Variants in ZFYVE27 observed in about 807,000 individuals in gnomAD.
ZFYVE27 encodes zinc finger FYVE-type containing 27.
Under a neutral mutation model 52.8 loss-of-function variants are expected in ZFYVE27, and 36 were observed. The observed-to-expected ratio is 0.68, with a 90% CI of 0.52 to 0.90. ZFYVE27 has a LOEUF of 0.90. Ranked by LOEUF, ZFYVE27 falls within the 40% of genes least tolerant of loss-of-function variation. The pLI, the probability that ZFYVE27 is intolerant of heterozygous loss-of-function variation, is 0.00. For missense variants in ZFYVE27, 450 were observed against 527.2 expected, an observed-to-expected ratio of 0.85 and a Z score of 1.43; for synonymous variants, 223 against 215.6, an observed-to-expected ratio of 1.03 and a Z score of -0.30.
chr10:97,753,399 C>A (rs981349564), intron 10 of ZFYVE27, among the ~76,000 whole-genome samples: 7 of 152,138 alleles, frequency 4.6e-5, no homozygotes, highest in Non-Finnish European at 7.4e-5. Context: ...TCTTGTCCCT[C>A]CATCCTGATT....
At chr10:97,746,751 A>T (rs145911738) in intron 4 of ZFYVE27, among the ~76,000 whole-genome samples, 1 of 150,022 alleles carries the variant, frequency 6.7e-6, no homozygotes, top group Admixed American at 6.7e-5. Context: ...ATGCAGTGGC[A>T]TGATCATGGC....
rs143289006 is a variant in ZFYVE27 at position 97,755,447 on chromosome 10, A to G, written c.1043-1818A>G. ...CCAAGATCAGGGTGTCAGCAGGATC[A>G]GGTTCTGGTGAGGTCCATTTCCGTC... On this transcript the variant is annotated intron_variant, in intron 10 of 12. Transcript: ENST00000684270. Among the ~76,000 whole-genome samples the G allele has an allele frequency of 2.0e-4, 31 of 152,358 alleles. No individual in the cohort carries two copies. The East Asian group carries it at 6.0e-3, about 29-fold the overall frequency.
intron 4 of ZFYVE27, 89 bp from the exon 5 acceptor site, chr10:97,748,180 C>T (rs2136141794): frequency 1.7e-6 from 2 of 1,199,360 alleles, no homozygotes; most frequent in Non-Finnish European, 2.4e-6. Flanking sequence ...AGAGATTGAC[C>T]ATCCCTAGCC....
At chr10:97,759,094 G>A (rs1271857319) in intron 12 of ZFYVE27, 142 bp from the exon 13 acceptor site, 3 of 835,722 alleles carry the variant, frequency 3.6e-6, no homozygotes, top group Admixed American at 2.0e-5. Flanking sequence ...GAATCTCTGC[G>A]GGCAGGCTAG....
rs202000447 is a variant in ZFYVE27, at chr10:97,751,408, C to T, written c.822C>T (p.Ser274=). Residue 274 remains serine, a synonymous_variant, in exon 8 of 13, where the codon AGC becomes AGT. Transcript: ENST00000684270. ...CTTCCCAGGACCTCACACCGGGCAGCGTGGAGGAGGCTGAGGAGGCTGAGC... is the reference window on the plus strand; with the variant it reads ...CTTCCCAGGACCTCACACCGGGCAGTGTGGAGGAGGCTGAGGAGGCTGAGC... ...LTPTEDLTPG[S]VEEAEEAEPD... The T allele has an allele frequency of 9.9e-6, 16 of 1,613,816 alleles. No individual in the cohort carries two copies. The highest frequency in any genetic ancestry group is 8.3e-5 in the Admixed American group (5 of 60,004).
chr10:97,745,630 T>G (rs530187212), intron 4 of ZFYVE27, among the ~76,000 whole-genome samples: 4 of 152,246 alleles, frequency 2.6e-5, no homozygotes, highest in Non-Finnish European at 5.9e-5. Flanking sequence ...GTTTCTCATC[T>G]GTTAAATGGA....
chr10:97,750,059 GT>G, intron 6 of ZFYVE27: 1 of 492,826 alleles, frequency 2.0e-6, no homozygotes, highest in Non-Finnish European at 3.7e-6. Context: ...TGCTGTATTT[GT>G]TTTCCTCCCT....
intron 7 of ZFYVE27, 118 bp from the exon 8 acceptor site, chr10:97,751,273 C>T: frequency 2.6e-6 from 3 of 1,132,358 alleles, no homozygotes; most frequent in South Asian, 1.2e-5. Context: ...TCTTTCTTGC[C>T]ATTGTGCCAT....
Position 97,750,213 on chromosome 10 carries a change from G to A in ZFYVE27, c.665-118G>A, listed in dbSNP as rs143670604. The stretch of plus-strand genomic sequence containing the variant: ...GTGACTCGCTCAGAGTTAGGAGGGT[G>A]ACTCTTTCCTGTAGTGAAGGGAAGA... On this transcript the variant is annotated intron_variant, in intron 6 of 12. Coordinates refer to ENST00000684270, the MANE Select transcript of ZFYVE27 (RefSeq NM_001385875.1). The A allele has an allele frequency of 7.2e-5, 95 of 1,325,968 alleles. 1 individual carries two copies. The Middle Eastern group carries it at 9.3e-4, about 13-fold the overall frequency. 82.1% of individuals were successfully genotyped at this position (1,325,968 alleles called of 1,614,324 possible).
At position 97,760,489 on chromosome 10, in the gene ZFYVE27, G is replaced by A. The variant is rs1278138117; in HGVS notation, c.*1189G>A. ...TTTATTGCATGGTTCCTGGGAACATGTGGCACAAGTAATGGGATGAGGAGG... is the reference window on the plus strand; with the variant it reads ...TTTATTGCATGGTTCCTGGGAACATATGGCACAAGTAATGGGATGAGGAGG... On this transcript the variant is annotated 3_prime_UTR_variant, in exon 13 of 13. Coordinates refer to ENST00000684270, the MANE Select transcript of ZFYVE27 (RefSeq NM_001385875.1). 2 of 152,290 alleles carry A rather than the reference G, an allele frequency of 1.3e-5. No homozygotes were observed. The highest frequency in any genetic ancestry group is 2.4e-5 in the African/African-American group (1 of 41,418). The allele number at this position is 152,290 out of a possible 1,614,324, so 9.4% of individuals were successfully genotyped here.
At chr10:97,758,418 G>C (rs1487589696) in intron 12 of ZFYVE27, among the ~76,000 whole-genome samples, 1 of 151,630 alleles carries the variant, frequency 6.6e-6, no homozygotes, top group African/African-American at 2.4e-5. Flanking sequence ...CTGCCTCCTG[G>C]GTTCAAGCAA....
intron 6 of ZFYVE27, 23 bp from the exon 7 acceptor site, chr10:97,750,308 C>T: frequency 1.2e-6 from 2 of 1,612,310 alleles, no homozygotes; most frequent in African/African-American, 1.3e-5. Flanking sequence ...TGCCTCCTAC[C>T]TTGTTCTCCA....
At chr10:97,757,348 GTCCT>G in intron 11 of ZFYVE27, 37 bp downstream of exon 11, 1 of 1,613,608 alleles carries the variant, frequency 6.2e-7, no homozygotes, top group Non-Finnish European at 8.5e-7. Flanking sequence ...TGGGGACAGT[GTCCT>G]TGGGACTGTC....
At chr10:97,749,652 GTTC>G (rs2046396782) in intron 6 of ZFYVE27, 66 bp downstream of exon 6, 2 of 1,293,218 alleles carry the variant, frequency 1.5e-6, no homozygotes, top group African/African-American at 1.5e-5. Context: ...AGGCTCCCCA[GTTC>G]TTCTGTCTCT....
chr10:97,750,098 A>G, intron 6 of ZFYVE27: 1 of 560,058 alleles, frequency 1.8e-6, no homozygotes, highest in Non-Finnish European at 3.2e-6. Context: ...TACAGAAGCC[A>G]TGATTTATTG....
intron 8 of ZFYVE27, 85 bp from the exon 9 acceptor site, chr10:97,752,772 T>C: frequency 7.3e-6 from 11 of 1,513,564 alleles, no homozygotes; most frequent in Non-Finnish European, 9.9e-6. Context: ...TTCCTTCTGC[T>C]TGGGGGCCCC....
chr10:97,758,791 T>TA (rs376218117), intron 12 of ZFYVE27, among the ~76,000 whole-genome samples: 3,848 of 152,138 alleles, frequency 0.025, 60 homozygotes, highest in South Asian at 0.048. Flanking sequence ...TTACTTATTC[T>TA]GTTTTTTTGA....
At chr10:97,743,207 G>A (rs1482435939) in intron 3 of ZFYVE27, 43 bp downstream of exon 3, 1 of 1,609,002 alleles carries the variant, frequency 6.2e-7, no homozygotes, top group Non-Finnish European at 8.5e-7. Context: ...GTGAACGAAT[G>A]TGGGGGAAGA....
At chr10:97,757,238 G>A in intron 10 of ZFYVE27, 27 bp from the exon 11 acceptor site, 1 of 1,614,112 alleles carries the variant, frequency 6.2e-7, no homozygotes, top group Non-Finnish European at 8.5e-7. Flanking sequence ...GATGGGCGGG[G>A]GTTGAGCTGC....
Sources: gnomAD v4.1 joint callset for allele counts (sites outside exome capture counted in the v4.1 genomes callset) on GRCh38, gnomAD v4.1.1 for gene constraint, MANE v1.5 for transcripts, NCBI Gene and HGNC (gene_info 2026-07-23, HGNC 2026-07-21) for gene names.